TSHR: variants seen among roughly 807,000 people sequenced by gnomAD.
The protein encoded by TSHR is thyroid stimulating hormone receptor, also known as thyrotropin receptor.
A neutral mutation model predicts 64.1 loss-of-function variants in TSHR; 51 were observed. The observed-to-expected ratio is 0.80, with a 90% CI of 0.64 to 1.01. The LOEUF (loss-of-function observed/expected upper bound fraction) is 1.01. Among genes scored for constraint, TSHR ranks in the 50% least tolerant of loss-of-function variants. The pLI, the probability that TSHR is intolerant of heterozygous loss-of-function variation, is 0.00. For missense variants in TSHR, 877 were observed against 942.8 expected, an observed-to-expected ratio of 0.93 and a Z score of 0.91; for synonymous variants, 361 against 361.9, an observed-to-expected ratio of 1.00 and a Z score of 0.03.
chr14:80,974,107 A>T (rs540568928), intron 1 of TSHR, among the ~76,000 whole-genome samples: 29 of 152,320 alleles, frequency 1.9e-4, no homozygotes, highest in Admixed American at 1.9e-3. Flanking sequence ...CCTTGATCAC[A>T]GGTTAGCTAT....
chr14:81,114,615 C>A (rs10133928), intron 8 of TSHR, among the ~76,000 whole-genome samples: 10,347 of 152,248 alleles, frequency 0.068, 904 homozygotes, highest in East Asian at 0.23. Context: ...GGGCGCCCAC[C>A]ATTGCACAGG....
At chr14:80,990,346 C>T (rs1254652871) in intron 1 of TSHR, among the ~76,000 whole-genome samples, 7 of 152,178 alleles carry the variant, frequency 4.6e-5, no homozygotes, top group Admixed American at 2.0e-4. Flanking sequence ...TAATAAGCAA[C>T]TTACTGTCCC....
intron 1 of TSHR, among the ~76,000 whole-genome samples, chr14:81,040,045 G>T (rs1323196753): frequency 1.3e-5 from 2 of 151,812 alleles, no homozygotes; most frequent in Admixed American, 1.3e-4. Flanking sequence ...TGACGGCATT[G>T]TACTAGCTGA....
intron 1 of TSHR, among the ~76,000 whole-genome samples, chr14:81,026,291 AT>A (rs1884047786): frequency 1.3e-5 from 2 of 152,196 alleles, no homozygotes; most frequent in Non-Finnish European, 2.9e-5. Flanking sequence ...TGTATGATGG[AT>A]GGATGAGTAA....
intron 1 of TSHR, among the ~76,000 whole-genome samples, chr14:81,038,946 T>C (rs939556594): frequency 6.6e-6 from 1 of 151,764 alleles, no homozygotes; most frequent in African/African-American, 2.4e-5. Flanking sequence ...GCTTCATTGC[T>C]GAATTCTACT....
In TSHR at chr14:81,091,152, G is replaced by A; in HGVS notation, c.467+9G>A. The A allele has an allele frequency of 6.2e-7, 1 of 1,605,558 alleles. No homozygotes were observed. The highest frequency in any genetic ancestry group is 1.3e-5 in the African/African-American group (1 of 74,834). On this transcript the variant is annotated intron_variant, in intron 5 of 9. Coordinates refer to ENST00000298171, the MANE Select transcript of TSHR (RefSeq NM_000369.5). Reference sequence around the variant, plus strand: ...GATATATTCTTTATACTGTAAGTATGCACACATGCCATGTTTGACAATATT... The same window carrying A: ...GATATATTCTTTATACTGTAAGTATACACACATGCCATGTTTGACAATATT...
intron 1 of TSHR, among the ~76,000 whole-genome samples, chr14:80,967,738 C>T (rs1282200060): frequency 1.3e-5 from 2 of 152,092 alleles, no homozygotes; most frequent in Non-Finnish European, 2.9e-5. Context: ...GATTTTCTAG[C>T]GGACTATGTG....
chr14:80,992,951 G>A (rs1247700148), intron 1 of TSHR: 1 of 152,150 alleles, frequency 6.6e-6, no homozygotes, highest in Non-Finnish European at 1.5e-5. Flanking sequence ...TTCCTTGTGG[G>A]TCGAATCACA....
chr14:81,058,311 C>T (rs965485250), intron 1 of TSHR, among the ~76,000 whole-genome samples: 2 of 152,188 alleles, frequency 1.3e-5, no homozygotes, highest in African/African-American at 4.8e-5. Flanking sequence ...TGTCATACCT[C>T]CAATGGTCAT....
chr14:81,078,641 G>C (rs1566798235), intron 3 of TSHR: 3 of 152,134 alleles, frequency 2.0e-5, no homozygotes, highest in Non-Finnish European at 2.9e-5. Flanking sequence ...GTCTTTAAAA[G>C]AACTGGCAGC....
chr14:81,087,536 A>G (rs1888372630), intron 3 of TSHR: 1 of 267,156 alleles, frequency 3.7e-6, no homozygotes, highest in Non-Finnish European at 7.2e-6. Context: ...CGTTCATCAT[A>G]AAATTCCCTC....
intron 1 of TSHR, among the ~76,000 whole-genome samples, chr14:80,973,552 A>C (rs1459705080): frequency 6.6e-6 from 1 of 152,088 alleles, no homozygotes. Flanking sequence ...AACACTATGC[A>C]TTTATCCCTT....
intron 8 of TSHR, among the ~76,000 whole-genome samples, chr14:81,109,292 C>T (rs1376510178): frequency 6.6e-6 from 1 of 151,916 alleles, no homozygotes; most frequent in African/African-American, 2.4e-5. Context: ...GCCTGTAGTC[C>T]CAGCTACTTG....
At chr14:81,063,907 G>A (rs531583921) in intron 2 of TSHR, among the ~76,000 whole-genome samples, 1 of 152,186 alleles carries the variant, frequency 6.6e-6, no homozygotes, top group South Asian at 2.1e-4. Flanking sequence ...ATAGCAAAGA[G>A]CAGAAGGGAA....
chr14:81,139,628 G>T (rs376275398), intron 8 of TSHR, 51 bp from the exon 9 acceptor site: 1 of 1,597,856 alleles, frequency 6.3e-7, no homozygotes, highest in South Asian at 1.1e-5. Flanking sequence ...AGGCTGAGAA[G>T]GCCCTGGCTG....
At chr14:80,967,128 A>C (rs1036156340) in intron 1 of TSHR, among the ~76,000 whole-genome samples, 23 of 151,762 alleles carry the variant, frequency 1.5e-4, no homozygotes, top group African/African-American at 5.1e-4. Flanking sequence ...AGAAGCTAAA[A>C]AAGGAATCCA....
At chr14:80,982,141 C>T in intron 1 of TSHR, 1 of 577,022 alleles carries the variant, frequency 1.7e-6, no homozygotes, top group Non-Finnish European at 3.2e-6. Context: ...GGGTCTCTGA[C>T]AGATGCAGTG....
Position 81,103,448 on chromosome 14 carries a change from C to A in TSHR, c.615-4927C>A, listed in dbSNP as rs183016968. 3.0e-6 allele frequency: 3 copies of A among 985,430 alleles called. No individual in the cohort carries two copies. Among genetic ancestry groups the A allele is most frequent in the East Asian group, 2.3e-4 (2 of 8,820 alleles). The allele number at this position is 985,430 out of a possible 1,614,324, so 61.0% of individuals were successfully genotyped here. On this transcript the variant is annotated intron_variant, in intron 7 of 9. Coordinates refer to ENST00000298171, the MANE Select transcript of TSHR (RefSeq NM_000369.5). This position sits in a 1 kb window ranked among gnomAD's most constrained non-coding sequence, Gnocchi z 4.1. ...CTTCATGACAATTTACTGAAATTAG[C>A]AGATCGACCTCATTTACACTCATTT... is the stretch of plus-strand genomic sequence containing the variant.
chr14:81,094,405 T>G (rs1888990170), intron 6 of TSHR: 1 of 152,170 alleles, frequency 6.6e-6, no homozygotes, highest in Admixed American at 6.5e-5. Flanking sequence ...ATATGCACAG[T>G]TCTCACATCT....
Sources: gnomAD v4.1 joint callset for allele counts (sites outside exome capture counted in the v4.1 genomes callset) on GRCh38, gnomAD v4.1.1 for gene constraint, Gnocchi (gnomAD v3.1) non-coding constraint, MANE v1.5 for transcripts, NCBI Gene and HGNC (gene_info 2026-07-23, HGNC 2026-07-21) for gene names.